Variants in FREM1 observed in about 807,000 individuals in gnomAD.
FREM1 encodes FRAS1 related extracellular matrix 1, also known as FRAS1-related extracellular matrix protein 1.
A neutral mutation model predicts 210.1 loss-of-function variants in FREM1; 220 were observed. The ratio of observed to expected loss-of-function variants is 1.05; its 90% CI spans 0.94 to 1.17. The LOEUF is 1.17. Ranked by LOEUF, FREM1 falls within the 50% of genes most tolerant of loss-of-function variation. FREM1 has a pLI of 0.00. For missense variants in FREM1, 3,454 were observed against 2,675.5 expected (o/e 1.29, Z -6.42); for synonymous variants, 1,189 against 980.2 (o/e 1.21, Z -3.98).
chr9:14,789,270 TC>T (rs377031976), intron 22 of FREM1, among the ~76,000 whole-genome samples, 156 bp from the exon 23 acceptor site: 6 of 152,318 alleles, frequency 3.9e-5, no homozygotes, highest in African/African-American at 1.2e-4. Flanking sequence ...GATTTTTTTT[TC>T]TTTTCAAAGA....
intron 8 of FREM1, among the ~76,000 whole-genome samples, chr9:14,843,975 A>C (rs1205227836): frequency 1.3e-5 from 2 of 152,234 alleles, no homozygotes; most frequent in African/African-American, 4.8e-5. Flanking sequence ...TCTAAGTCTC[A>C]GGTTACCCAT....
rs1319343968 is a variant in FREM1 at position 14,808,041 on chromosome 9, T to C, written c.2987A>G (p.Asn996Ser). 1.2e-6 allele frequency: 2 copies of C among 1,613,746 alleles called. No homozygotes were observed. The highest frequency in any genetic ancestry group is 1.1e-5 in the South Asian group (1 of 91,046). Residue 996 changes from asparagine (N) to serine (S), a missense_variant, in exon 17 of 37, where the codon AAT becomes AGT. Physicochemically the swap from Asn to Ser is conservative, Grantham distance 46 (BLOSUM62 1). Transcript: ENST00000380880. Reference protein sequence around the residue: ...AGPFVNGCCYNGPNPSVPLHA... With the variant: ...AGPFVNGCCYSGPNPSVPLHA... ...AAGTGGAACAGATGGATTGGGTCCA[T>C]TGTAGCAACAGCCATTCACAAAAGG...
At chr9:14,803,261 C>T (rs1817662660) in intron 19 of FREM1, among the ~76,000 whole-genome samples, 1 of 139,410 alleles carries the variant, frequency 7.2e-6, no homozygotes, top group Non-Finnish European at 1.6e-5. Flanking sequence ...CTCTTCCTCT[C>T]TTTCTTTCCC....
intron 25 of FREM1, among the ~76,000 whole-genome samples, chr9:14,772,846 T>C (rs926179043): frequency 6.6e-6 from 1 of 152,214 alleles, no homozygotes; most frequent in East Asian, 1.9e-4. Context: ...ACTAAATGAA[T>C]AGTTGAATGT....
intron 10 of FREM1, among the ~76,000 whole-genome samples, chr9:14,829,164 G>C (rs1271192819): frequency 2.0e-5 from 3 of 152,174 alleles, no homozygotes; most frequent in African/African-American, 4.8e-5. Flanking sequence ...AACTGAGTAA[G>C]TCATGTCCTG....
chr9:14,773,941 C>T, intron 25 of FREM1: 1 of 386,272 alleles, frequency 2.6e-6, no homozygotes, highest in South Asian at 2.0e-5. Flanking sequence ...CTGGTATCAA[C>T]CTAGGTTAGG....
At chr9:14,763,538 G>A (rs573288885) in intron 27 of FREM1, among the ~76,000 whole-genome samples, 18 of 152,106 alleles carry the variant, frequency 1.2e-4, no homozygotes, top group African/African-American at 3.6e-4. Context: ...AGATAAATTC[G>A]GATCCCTGAA....
chr9:14,763,575 G>T (rs1429404328), intron 27 of FREM1, among the ~76,000 whole-genome samples: 1 of 152,200 alleles, frequency 6.6e-6, no homozygotes, highest in East Asian at 1.9e-4. Flanking sequence ...GGAAGACATG[G>T]CATGGAGCAG....
In FREM1 at chr9:14,820,696, C is replaced by T. The variant is rs72711378; in HGVS notation, c.2338-1254G>A. Among the ~76,000 whole-genome samples the T allele has an allele frequency of 6.5e-3, 996 of 152,314 alleles. 9 individuals are homozygous for T. The highest frequency in any genetic ancestry group is 0.011 in the Admixed American group (164 of 15,302). The stretch of plus-strand genomic sequence containing the variant: ...GAGACCTACAATTCTGAGACCACTG[C>T]CTTCTATTCTTTAATCAACTACCAA... On this transcript the variant is annotated intron_variant, in intron 13 of 36. Coordinates refer to ENST00000380880, the MANE Select transcript of FREM1 (RefSeq NM_001379081.2).
chr9:14,790,411 T>C (rs573312765), intron 22 of FREM1, among the ~76,000 whole-genome samples: 1 of 152,210 alleles, frequency 6.6e-6, no homozygotes, highest in South Asian at 2.1e-4. Context: ...TAAGCTAGAG[T>C]TTGTTTCCAT....
At chr9:14,817,475 C>T (rs1820512576) in intron 14 of FREM1, among the ~76,000 whole-genome samples, 1 of 152,152 alleles carries the variant, frequency 6.6e-6, no homozygotes, top group Non-Finnish European at 1.5e-5. Context: ...CTAGCCTTAG[C>T]CCTATCTTCC....
At position 14,851,298 on chromosome 9, in the gene FREM1, T is replaced by C. The variant is rs1827696701; in HGVS notation, c.1138A>G (p.Arg380Gly). Residue 380 changes from arginine (R) to glycine (G), a missense_variant, in exon 6 of 37, where the codon AGG (arginine) becomes GGG (glycine). Physicochemically the swap from Arg to Gly is moderately radical, Grantham distance 125 (BLOSUM62 -2). Transcript: ENST00000380880. ...YQPPNSSHSE[R>G]RHDEVELEVY... is the part of the protein sequence containing the mutation. ...CTCCTTCTTACCTCATCATGTCTCCTCTCAGAATGGCTGCTGTTTGGTGGC... is the reference window on the plus strand; with the variant it reads ...CTCCTTCTTACCTCATCATGTCTCCCCTCAGAATGGCTGCTGTTTGGTGGC... 2 of 1,591,814 alleles carry C rather than the reference T, an allele frequency of 1.3e-6. No homozygotes were observed. The highest frequency in any genetic ancestry group is 2.7e-5 in the African/African-American group (2 of 74,530).
At chr9:14,872,793 T>C (rs1447528480) in intron 1 of FREM1, among the ~76,000 whole-genome samples, 2 of 151,942 alleles carry the variant, frequency 1.3e-5, no homozygotes, top group Non-Finnish European at 2.9e-5. Context: ...CAGTATGATA[T>C]TGGCTGTGGG....
At chr9:14,812,254 A>G (rs1819533727) in intron 16 of FREM1, among the ~76,000 whole-genome samples, 1 of 152,206 alleles carries the variant, frequency 6.6e-6, no homozygotes, top group Non-Finnish European at 1.5e-5. Flanking sequence ...ACATAAAGCA[A>G]TGCCAAAAAT....
chr9:14,848,991 A>C (rs1426156327), intron 6 of FREM1, among the ~76,000 whole-genome samples: 1 of 152,192 alleles, frequency 6.6e-6, no homozygotes, highest in African/African-American at 2.4e-5. Flanking sequence ...TTCTACATAA[A>C]AGAATTTATT....
intron 13 of FREM1, among the ~76,000 whole-genome samples, chr9:14,822,397 G>T (rs1588174347): frequency 6.6e-6 from 1 of 152,166 alleles, no homozygotes; most frequent in Non-Finnish European, 1.5e-5. Flanking sequence ...GCAGGCTATA[G>T]TCCAAGTAGG....
At position 14,771,002 on chromosome 9, in the gene FREM1, A is replaced by G. The variant is rs114171844; in HGVS notation, c.4858-196T>C. ...ATCACAGTGCTTGGAACAGAGGCCA[A>G]TTTTCCACTGTAAACCTTGACTCCA... On this transcript the variant is annotated intron_variant, in intron 25 of 36. Coordinates refer to ENST00000380880, the MANE Select transcript of FREM1 (RefSeq NM_001379081.2). Among the ~76,000 whole-genome samples the G allele has an allele frequency of 4.6e-3, 701 of 152,172 alleles. 4 individuals are homozygous for G. The highest frequency in any genetic ancestry group is 0.016 in the African/African-American group (655 of 41,524).
At chr9:14,830,652 T>A (rs2130957316) in intron 10 of FREM1, among the ~76,000 whole-genome samples, 1 of 152,082 alleles carries the variant, frequency 6.6e-6, no homozygotes, top group East Asian at 1.9e-4. Flanking sequence ...CCCCGCTCTG[T>A]TTCTGTATGG....
intron 7 of FREM1, among the ~76,000 whole-genome samples, chr9:14,847,593 T>C (rs1031913266): frequency 1.7e-4 from 26 of 152,106 alleles, no homozygotes; most frequent in African/African-American, 4.8e-4. Context: ...CCTAGAAATA[T>C]ATACAGCAAA....
Sources: gnomAD v4.1 joint callset for allele counts (sites outside exome capture counted in the v4.1 genomes callset) on GRCh38, gnomAD v4.1.1 for gene constraint, MANE v1.5 for transcripts, NCBI Gene and HGNC (gene_info 2026-07-23, HGNC 2026-07-21) for gene names.